NF2: variants seen among roughly 807,000 people sequenced by gnomAD.
The protein encoded by NF2 is merlin.
A neutral mutation model predicts 83.7 loss-of-function variants in NF2; 8 were observed. That is an observed-to-expected ratio of 0.10 (90% CI 0.06 to 0.17). NF2 has a LOEUF of 0.17. Ranked by LOEUF, NF2 falls within the 10% of genes least tolerant of loss-of-function variation. The probability of loss-of-function intolerance (pLI) is 1.00; values close to 1 mark genes in which losing one functional copy is unlikely to be tolerated. For missense variants in NF2, 533 were observed against 744.4 expected (o/e 0.72, Z 3.31); for synonymous variants, 266 against 269.6 (o/e 0.99, Z 0.13).
chr22:29,650,612 C>G (rs1202627081), intron 4 of NF2, among the ~76,000 whole-genome samples: 2 of 150,418 alleles, frequency 1.3e-5, no homozygotes, highest in Admixed American at 1.3e-4. Context: ...TTTCTTTCTC[C>G]CTTCCCTTCC....
chr22:29,685,947 C>A (rs932530719), intron 15 of NF2, among the ~76,000 whole-genome samples: 1 of 149,784 alleles, frequency 6.7e-6, no homozygotes, highest in African/African-American at 2.4e-5. Context: ...CTTACTCGCT[C>A]GCTCTCTCTT....
intron 10 of NF2, 57 bp downstream of exon 10, chr22:29,668,503 G>A: frequency 1.5e-6 from 2 of 1,344,198 alleles, no homozygotes; most frequent in East Asian, 2.3e-5. Context: ...CCTGGCCTGG[G>A]AGGCGAGGAG....
chr22:29,624,815 T>TTCTTTC (rs2065306967), intron 1 of NF2, among the ~76,000 whole-genome samples: 1 of 115,534 alleles, frequency 8.7e-6, no homozygotes, highest in African/African-American at 3.6e-5. Flanking sequence ...CTTTCTTTCT[T>TTCTTTC]TCTTTCTTTC....
At chr22:29,666,428 T>C (rs1231135840) in intron 9 of NF2, among the ~76,000 whole-genome samples, 1 of 151,826 alleles carries the variant, frequency 6.6e-6, no homozygotes, top group South Asian at 2.1e-4. Context: ...CGTGAGCCAC[T>C]GCACCCAGCC....
rs112985789 is a variant in NF2 at position 29,622,654 on chromosome 22, T to G, written c.115-14097T>G. Among the ~76,000 whole-genome samples the G allele has an allele frequency of 8.8e-4, 116 of 131,800 alleles. 2 individuals are homozygous for G. Among genetic ancestry groups the G allele is most frequent in the African/African-American group, 3.4e-3 (112 of 33,418 alleles). 86.5% of individuals were successfully genotyped at this position (131,800 alleles called of 152,430 possible). A position where few individuals can be genotyped will look rare whatever the true frequency, so the allele number is the denominator to read the frequency against. ...GTTTTGGAAGACCCTGTATTTTTTT[T>G]TTTTTTTTTTTTTTTTTTTGAGACA... On this transcript the variant is annotated intron_variant, in intron 1 of 15. Transcript: ENST00000338641.
intron 1 of NF2, among the ~76,000 whole-genome samples, chr22:29,618,334 C>G (rs1375641569): frequency 2.0e-5 from 3 of 152,128 alleles, no homozygotes; most frequent in Non-Finnish European, 4.4e-5. Flanking sequence ...TTGTAGAATT[C>G]TTGACTTTAT....
Position 29,661,218 on chromosome 22 carries a change from C to T in NF2, c.689C>T (p.Thr230Ile), listed in dbSNP as rs1468744457. 1.9e-6 allele frequency: 3 copies of T among 1,614,220 alleles called. No individual in the cohort carries two copies. Among genetic ancestry groups the T allele is most frequent in the African/African-American group, 1.3e-5 (1 of 75,062 alleles). ...TTGGATCCACAGAATAAAAAGGGCA[C>T]AGAGCTGCTGCTTGGAGTGGATGCC... Reference protein sequence around the residue: ...NYFAIRNKKGTELLLGVDALG... With the variant: ...NYFAIRNKKGIELLLGVDALG... The change falls in exon 8 of 16, where the codon ACA becomes ATA. Residue 230 changes from threonine (T) to isoleucine (I), a missense_variant. Around this residue, in one of 3 missense-constraint regions of NF2, gnomAD observed 326 missense variants for 475.1 expected, o/e 0.69. Transcript: ENST00000338641.
At chr22:29,664,363 A>T (rs1394590405) in intron 8 of NF2, among the ~76,000 whole-genome samples, 2 of 138,106 alleles carry the variant, frequency 1.4e-5, no homozygotes, top group African/African-American at 2.8e-5. Context: ...GTCACCAAAA[A>T]GCTAATACCA....
At chr22:29,606,535 C>T (rs2064802714) in intron 1 of NF2, among the ~76,000 whole-genome samples, 1 of 152,226 alleles carries the variant, frequency 6.6e-6, no homozygotes, top group Non-Finnish European at 1.5e-5. Context: ...AAACAGATAG[C>T]TCCTAATCTC....
intron 4 of NF2, among the ~76,000 whole-genome samples, chr22:29,648,024 G>A (rs1333231250): frequency 1.3e-5 from 2 of 152,020 alleles, no homozygotes; most frequent in Admixed American, 1.3e-4. Context: ...CCAGCTACTT[G>A]GGAGACTGAG....
Position 29,694,104 on chromosome 22 carries a change from C to A in NF2, c.1738-648C>A, listed in dbSNP as rs1314481577. Among the ~76,000 whole-genome samples the A allele has an allele frequency of 2.0e-5, 3 of 152,218 alleles. No individual in the cohort carries two copies. Among genetic ancestry groups the A allele is most frequent in the Non-Finnish European group, 4.4e-5 (3 of 68,038 alleles). On this transcript the variant is annotated intron_variant, in intron 15 of 15. Coordinates refer to ENST00000338641, the MANE Select transcript of NF2 (RefSeq NM_000268.4). The surrounding 1 kb of genome is among the most constrained non-coding windows in gnomAD (Gnocchi z 4.1). ...TCTTTACATTTGCTGGGCAGAGTGC[C>A]ACCTGTGTGCACCAGCCCTCCCTGC...
intron 1 of NF2, among the ~76,000 whole-genome samples, chr22:29,620,322 GAGACA>G (rs1384100742): frequency 6.6e-6 from 1 of 152,200 alleles, no homozygotes; most frequent in East Asian, 1.9e-4. Context: ...TTGGTAGGCT[GAGACA>G]AGAGGATCAC....
Position 29,694,382 on chromosome 22 carries a change from TGCC to T in NF2, c.1738-366_1738-364del, listed in dbSNP as rs2067487869. 2.0e-5 allele frequency among the ~76,000 whole-genome samples: 3 copies of T among 152,314 alleles called. No homozygotes were observed. In the South Asian group the frequency reaches 6.2e-4, roughly 32 times the overall value. ...GGAGGGGATGAGCAGCCTCAGCTGG[TGCC>T]GCCACAGACAGCACACCACAGAGGT... On this transcript the variant is annotated intron_variant, in intron 15 of 15. Transcript: ENST00000338641. This position sits in a 1 kb window ranked among gnomAD's most constrained non-coding sequence, Gnocchi z 4.1.
intron 6 of NF2, among the ~76,000 whole-genome samples, 169 bp from the exon 7 acceptor site, chr22:29,658,020 A>T (rs1601618052): frequency 6.6e-6 from 1 of 152,134 alleles, no homozygotes; most frequent in East Asian, 1.9e-4. Context: ...AGTGTGTTTA[A>T]TAGACTCAGG....
intron 4 of NF2, among the ~76,000 whole-genome samples, chr22:29,643,517 A>T (rs1445237105): frequency 3.9e-5 from 6 of 152,290 alleles, no homozygotes; most frequent in African/African-American, 1.2e-4. Context: ...GCCTTCAAGC[A>T]TCTGTTTAAC....
intron 3 of NF2, 24 bp downstream of exon 3, chr22:29,639,236 C>T (rs373867916): frequency 1.5e-5 from 24 of 1,613,652 alleles, no homozygotes; most frequent in Non-Finnish European, 1.7e-5. Context: ...GGCTACCCCC[C>T]AGTTCTGAGA....
chr22:29,697,739 T>C lies in NF2; in HGVS notation c.*2937T>C, dbSNP rs2067593331. The C allele has an allele frequency of 5.7e-6, 1 of 176,042 alleles. No individual in the cohort carries two copies. The highest frequency in any genetic ancestry group is 1.2e-5 in the Non-Finnish European group (1 of 81,788). 10.9% of individuals were successfully genotyped at this position (176,042 alleles called of 1,614,324 possible). ...GCACCTCCACGTCCGGCTAATTTTG[T>C]ATTTTTAGTGGAGACGGGGTTTCTC... On this transcript the variant is annotated 3_prime_UTR_variant, in exon 16 of 16. Transcript: ENST00000338641.
intron 10 of NF2, among the ~76,000 whole-genome samples, chr22:29,668,868 A>G (rs2066703831): frequency 6.6e-6 from 1 of 152,184 alleles, no homozygotes; most frequent in South Asian, 2.1e-4. Flanking sequence ...TGGAATGCTA[A>G]TTTGACTCTG....
intron 2 of NF2, among the ~76,000 whole-genome samples, chr22:29,638,127 G>A (rs1401017090): frequency 6.6e-6 from 1 of 152,162 alleles, no homozygotes; most frequent in Non-Finnish European, 1.5e-5. Flanking sequence ...TTTATGTCTT[G>A]AAATTCACTC....
Sources: gnomAD v4.1 joint callset for allele counts (sites outside exome capture counted in the v4.1 genomes callset) on GRCh38, gnomAD v4.1.1 for gene constraint, gnomAD v4.1.1 regional missense constraint, Gnocchi (gnomAD v3.1) non-coding constraint, MANE v1.5 for transcripts, NCBI Gene and HGNC (gene_info 2026-07-23, HGNC 2026-07-21) for gene names.